Variants in ZNF407 observed in about 807,000 individuals in gnomAD.
The protein encoded by ZNF407 is zinc finger protein 407.
ZNF407 carries 17 observed loss-of-function variants against 131.2 expected under a neutral mutation model. The observed-to-expected ratio is 0.13, with a 90% confidence interval of 0.09 to 0.19. ZNF407 has a LOEUF of 0.19. Ranked by LOEUF, ZNF407 falls within the 10% of genes least tolerant of loss-of-function variation. The pLI, the probability that ZNF407 is intolerant of heterozygous loss-of-function variation, is 1.00. For missense variants in ZNF407, 2,681 were observed against 2,830.6 expected (o/e 0.95, Z 1.20); for synonymous variants, 1,156 against 1,062.0 (o/e 1.09, Z -1.72).
At chr18:74,861,770 C>A (rs1054110580) in intron 4 of ZNF407, among the ~76,000 whole-genome samples, 3 of 151,924 alleles carry the variant, frequency 2.0e-5, no homozygotes, top group African/African-American at 7.3e-5. Flanking sequence ...ATATTCAATA[C>A]CCTTTCATGT....
intron 3 of ZNF407, among the ~76,000 whole-genome samples, chr18:74,775,916 C>T (rs1279015880): frequency 6.6e-6 from 1 of 152,132 alleles, no homozygotes; most frequent in South Asian, 2.1e-4. Context: ...CCAGATCTTG[C>T]GAGCTCTCTA....
intron 8 of ZNF407, among the ~76,000 whole-genome samples, chr18:74,976,246 A>G (rs1361235749): frequency 2.6e-5 from 4 of 152,174 alleles, no homozygotes; most frequent in Non-Finnish European, 5.9e-5. Flanking sequence ...CTGTTTTCTC[A>G]TTAGTAGAGT....
chr18:74,663,169 A>G (rs1427898445), intron 3 of ZNF407, among the ~76,000 whole-genome samples: 2 of 152,120 alleles, frequency 1.3e-5, no homozygotes, highest in African/African-American at 4.8e-5. Context: ...TTAAGTTACA[A>G]TGAATGGGGG....
At chr18:74,875,657 T>A (rs1024047305) in intron 4 of ZNF407, among the ~76,000 whole-genome samples, 2 of 151,470 alleles carry the variant, frequency 1.3e-5, no homozygotes, top group African/African-American at 4.8e-5. Context: ...ACGGACGTGA[T>A]TTTTTTTTAC....
intron 3 of ZNF407, among the ~76,000 whole-genome samples, chr18:74,743,773 G>A (rs1418411578): frequency 2.0e-5 from 3 of 151,884 alleles, no homozygotes; most frequent in East Asian, 3.9e-4. Flanking sequence ...TAAAAGAATA[G>A]GTATATTGTG....
intron 7 of ZNF407, among the ~76,000 whole-genome samples, chr18:74,911,355 A>C (rs1216039078): frequency 6.6e-6 from 1 of 152,224 alleles, no homozygotes; most frequent in Admixed American, 6.5e-5. Flanking sequence ...ATCACTCTCA[A>C]AGAGTTCTCA....
intron 3 of ZNF407, among the ~76,000 whole-genome samples, chr18:74,717,069 G>T (rs1051704089): frequency 7.9e-5 from 12 of 152,152 alleles, no homozygotes; most frequent in African/African-American, 2.9e-4. Flanking sequence ...ATACGTATAT[G>T]AGAGTGTGTA....
chr18:74,999,813 A>C (rs1972824639), intron 8 of ZNF407, among the ~76,000 whole-genome samples: 1 of 152,184 alleles, frequency 6.6e-6, no homozygotes, highest in South Asian at 2.1e-4. Flanking sequence ...TTGTCACTTT[A>C]TTTTGCAACT....
At chr18:74,775,919 G>GCT (rs1202000167) in intron 3 of ZNF407, among the ~76,000 whole-genome samples, 3 of 152,162 alleles carry the variant, frequency 2.0e-5, no homozygotes, top group African/African-American at 7.2e-5. Flanking sequence ...GATCTTGCGA[G>GCT]CTCTCTACAG....
Position 74,633,256 on chromosome 18 carries a change from A to C in ZNF407, c.2237A>C (p.Lys746Thr), listed in dbSNP as rs774286085. 2 of 1,613,680 alleles carry C rather than the reference A, an allele frequency of 1.2e-6. No homozygotes were observed. Among genetic ancestry groups the C allele is most frequent in the South Asian group, 2.2e-5 (2 of 90,944 alleles). The stretch of plus-strand genomic sequence containing the variant: ...GCTTGTAATCTTTATTCATTGAGCA[A>C]AGAAGGAATGGAGAAACACATTAAA... The part of the protein sequence containing the change: ...CKACNLYSLS[K>T]EGMEKHIKRS... The change falls in exon 2 of 9, where the codon AAA becomes ACA. Residue 746 changes from lysine (K) to threonine (T), a missense_variant. Lys to Thr is a moderately conservative substitution (Grantham distance 78). This residue lies in a region of ZNF407 where 1,789 missense variants were observed against 1,748.7 expected (regional missense o/e 1.02). Coordinates refer to ENST00000299687, the MANE Select transcript of ZNF407 (RefSeq NM_017757.3).
At chr18:74,782,161 G>T (rs1322338711) in intron 4 of ZNF407, among the ~76,000 whole-genome samples, 1 of 152,130 alleles carries the variant, frequency 6.6e-6, no homozygotes, top group Non-Finnish European at 1.5e-5. Flanking sequence ...CTCAAAACTG[G>T]TATAAGCATT....
In ZNF407 at chr18:74,703,152, G is replaced by A. The variant is rs1340428818; in HGVS notation, c.4802+62030G>A. ...AAATGAGGTGACTCAGCAGAGAGGCGAGGTGGTGTGAGAGCTACAAGTGAC... is the reference window on the plus strand; with the variant it reads ...AAATGAGGTGACTCAGCAGAGAGGCAAGGTGGTGTGAGAGCTACAAGTGAC... On this transcript the variant is annotated intron_variant, in intron 3 of 8. Coordinates refer to ENST00000299687, the MANE Select transcript of ZNF407 (RefSeq NM_017757.3). The surrounding 1 kb of genome is among the most constrained non-coding windows in gnomAD (Gnocchi z 4.1). 6.6e-6 allele frequency among the ~76,000 whole-genome samples: 1 copy of A among 152,226 alleles called. No individual in the cohort carries two copies. The highest frequency in any genetic ancestry group is 2.4e-5 in the African/African-American group (1 of 41,456).
chr18:75,040,991 C>A (rs1973365946), intron 8 of ZNF407, among the ~76,000 whole-genome samples: 1 of 152,148 alleles, frequency 6.6e-6, no homozygotes, highest in Admixed American at 6.5e-5. Context: ...GCAAGCAGTT[C>A]TGAAGGGAAG....
intron 8 of ZNF407, among the ~76,000 whole-genome samples, chr18:74,965,240 G>C (rs1172750415): frequency 6.6e-6 from 1 of 152,032 alleles, no homozygotes; most frequent in East Asian, 1.9e-4. Flanking sequence ...CCAAATGGTA[G>C]GTCTTATTTA....
At chr18:74,722,404 C>A (rs1799245302) in intron 3 of ZNF407, among the ~76,000 whole-genome samples, 2 of 152,160 alleles carry the variant, frequency 1.3e-5, no homozygotes, top group Admixed American at 1.3e-4. Context: ...CTCCTTGCCA[C>A]ATTTCTTGCT....
intron 4 of ZNF407, among the ~76,000 whole-genome samples, chr18:74,836,277 C>T (rs1183934616): frequency 6.6e-6 from 1 of 152,142 alleles, no homozygotes; most frequent in Non-Finnish European, 1.5e-5. Context: ...ACCTTTCTGC[C>T]CTCTCCCCTT....
intron 8 of ZNF407, among the ~76,000 whole-genome samples, chr18:74,972,392 C>T (rs1972482961): frequency 6.6e-6 from 1 of 152,198 alleles, no homozygotes; most frequent in African/African-American, 2.4e-5. Flanking sequence ...TCCCTTTCCC[C>T]TCTCACCTTA....
intron 3 of ZNF407, among the ~76,000 whole-genome samples, chr18:74,779,033 T>C (rs1046512672): frequency 6.8e-6 from 1 of 147,282 alleles, no homozygotes; most frequent in Non-Finnish European, 1.5e-5. Flanking sequence ...TAACCACATA[T>C]GGCTGTCAAT....
intron 3 of ZNF407, among the ~76,000 whole-genome samples, chr18:74,681,663 T>A (rs1966986257): frequency 6.6e-6 from 1 of 152,244 alleles, no homozygotes; most frequent in Non-Finnish European, 1.5e-5. Flanking sequence ...GTATGGCATA[T>A]GCTATTATTG....
Sources: allele counts gnomAD v4.1 joint callset (sites outside exome capture counted in the v4.1 genomes callset), GRCh38; gene constraint gnomAD v4.1.1; regional missense constraint gnomAD v4.1.1; non-coding constraint Gnocchi (gnomAD v3.1); transcripts MANE v1.5; gene names NCBI Gene and HGNC (gene_info 2026-07-23, HGNC 2026-07-21).